Variants in HACD1 observed in about 807,000 individuals in gnomAD.
The protein encoded by HACD1 is 3-hydroxyacyl-CoA dehydratase 1.
Under a neutral mutation model 32.0 loss-of-function variants are expected in HACD1, and 41 were observed. The observed-to-expected ratio is 1.28, with a 90% CI of 1.00 to 1.66. HACD1 has a LOEUF of 1.66. HACD1 is among the 40% of genes most tolerant of loss of function. The probability of loss-of-function intolerance (pLI) is 0.00; values close to 1 mark genes in which losing one functional copy is unlikely to be tolerated. For missense variants in HACD1, 396 were observed against 380.1 expected (o/e 1.04, Z -0.35); for synonymous variants, 142 against 139.0 (o/e 1.02, Z -0.15).
At chr10:17,605,553 A>T (rs1554816978) in intron 1 of HACD1, among the ~76,000 whole-genome samples, 1 of 151,268 alleles carries the variant, frequency 6.6e-6, no homozygotes, top group African/African-American at 2.4e-5. Context: ...GTCATCAATT[A>T]ATATTTACTT....
Position 17,617,111 on chromosome 10 carries a change from T to C in HACD1, c.229A>G (p.Thr77Ala). The change falls in exon 1 of 7, where the codon ACC (threonine) becomes GCC (alanine). Residue 77 changes from threonine to alanine, a missense_variant. Physicochemically the swap from Thr to Ala is moderately conservative, Grantham distance 58. Coordinates refer to ENST00000361271, the MANE Select transcript of HACD1 (RefSeq NM_014241.4). ...RLGVLATAWL[T>A]FYDIAMTAGW... is the part of the protein sequence containing the mutation. ...GCGGTCATGGCGATGTCGTAGAAGG[T>C]GAGCCAGGCGGTGGCCAAGACCCCC... The C allele has an allele frequency of 6.7e-7, 1 of 1,500,896 alleles. No individual in the cohort carries two copies. The highest frequency in any genetic ancestry group is 8.9e-7 in the Non-Finnish European group (1 of 1,128,004). 93.0% of individuals were successfully genotyped at this position (1,500,896 alleles called of 1,614,324 possible). A position where few individuals can be genotyped will look rare whatever the true frequency, so the allele number is the denominator to read the frequency against.
Position 17,594,243 on chromosome 10 carries a change from T to C in HACD1, c.746A>G (p.Tyr249Cys), listed in dbSNP as rs146791312. The C allele has an allele frequency of 2.0e-4, 313 of 1,586,742 alleles. No individual in the cohort carries two copies. In the African/African-American group the frequency reaches 3.9e-3, roughly 20 times the overall value. ...PNKYNVSFDYYYFLLITMASY... is the reference protein window; with the variant it reads ...PNKYNVSFDYCYFLLITMASY... ...TGCCATGGTTATAAGAAGAAAATAA[T>C]AGTAGTCAAAAGAGACATTGTATTT... The change falls in exon 6 of 7, where the codon TAT (tyrosine) becomes TGT (cysteine). Residue 249 changes from tyrosine to cysteine, a missense_variant. Transcript: ENST00000361271.
At chr10:17,594,013 T>C (rs963361108) in intron 6 of HACD1, among the ~76,000 whole-genome samples, 192 bp downstream of exon 6, 1 of 152,230 alleles carries the variant, frequency 6.6e-6, no homozygotes, top group Non-Finnish European at 1.5e-5. Flanking sequence ...TTTATTCTCA[T>C]AGCTAATGAA....
intron 5 of HACD1, among the ~76,000 whole-genome samples, chr10:17,597,944 A>G (rs570069881): frequency 1.6e-4 from 24 of 152,288 alleles, no homozygotes; most frequent in Admixed American, 3.9e-4. Context: ...AAAGAGCTAG[A>G]GAATATTAAA....
intron 1 of HACD1, among the ~76,000 whole-genome samples, chr10:17,616,221 A>G (rs1256795595): frequency 9.2e-6 from 1 of 109,166 alleles, no homozygotes; most frequent in Non-Finnish European, 1.9e-5. Context: ...GTGAGCCGAG[A>G]TCCCGCCACT....
intron 5 of HACD1, among the ~76,000 whole-genome samples, chr10:17,597,166 T>A (rs1341948876): frequency 2.6e-5 from 4 of 152,210 alleles, no homozygotes; most frequent in Non-Finnish European, 5.9e-5. Flanking sequence ...TTTCTTCTTT[T>A]GAGACAGAGT....
intron 1 of HACD1, among the ~76,000 whole-genome samples, chr10:17,614,587 C>T (rs185777100): frequency 4.6e-5 from 7 of 151,850 alleles, no homozygotes; most frequent in African/African-American, 1.4e-4. Context: ...TGGTGGTGTG[C>T]GCCTGTAGTC....
In HACD1 at chr10:17,617,086, G is replaced by A. The variant is rs1833099130; in HGVS notation, c.254C>T (p.Ala85Val). Residue 85 changes from alanine (A) to valine (V), a missense_variant, in exon 1 of 7, where the codon GCG becomes GTG. Transcript: ENST00000361271. ...WLTFYDIAMT[A>V]GWLVLAIAMV... ...GGGTGCCCCGCGGCGCGCGTACCCC[G>A]CGGTCATGGCGATGTCGTAGAAGGT... 1 of 1,485,228 alleles carries A rather than the reference G, an allele frequency of 6.7e-7. No individual in the cohort carries two copies. Among genetic ancestry groups the A allele is most frequent in the Non-Finnish European group, 8.9e-7 (1 of 1,120,892 alleles). 92.0% of individuals were successfully genotyped at this position (1,485,228 alleles called of 1,614,324 possible). A position where few individuals can be genotyped will look rare whatever the true frequency, so the allele number is the denominator to read the frequency against.
In HACD1 at chr10:17,594,295, C is replaced by T. The variant is rs536952738; in HGVS notation, c.694G>A (p.Gly232Arg). ...YAALPHVKKT[G>R]MFSIRLPNKY... is the part of the protein sequence containing the mutation. Reference sequence around the variant, plus strand: ...TTAGGAAGTCTTATTGAAAACATTCCTGTTTTCTTCACATGCGGCAAGGCA... The same window carrying T: ...TTAGGAAGTCTTATTGAAAACATTCTTGTTTTCTTCACATGCGGCAAGGCA... The change falls in exon 6 of 7, where the codon GGA becomes AGA. Residue 232 changes from glycine to arginine, a missense_variant. By Grantham distance (125) the Gly-to-Arg change is moderately radical. Transcript: ENST00000361271. 1.7e-4 allele frequency: 268 copies of T among 1,603,426 alleles called. 3 individuals carry two copies. The South Asian group carries it at 2.9e-3, about 18-fold the overall frequency.
At chr10:17,603,702 T>A (rs782792501) in intron 3 of HACD1, 24 bp downstream of exon 3, 1 of 1,604,808 alleles carries the variant, frequency 6.2e-7, no homozygotes, top group East Asian at 2.2e-5. Flanking sequence ...ATAATAAAAG[T>A]ATAAAATTGA....
chr10:17,616,866 C>A (rs1833093374), intron 1 of HACD1, among the ~76,000 whole-genome samples: 1 of 152,060 alleles, frequency 6.6e-6, no homozygotes, highest in Non-Finnish European at 1.5e-5. Flanking sequence ...GCCAGCGCCC[C>A]GCCGTGCACC....
Position 17,603,558 on chromosome 10 carries a change from A to T in HACD1, c.483+2T>A. The T allele has an allele frequency of 6.2e-7, 1 of 1,600,984 alleles. No individual in the cohort carries two copies. On this transcript the variant is annotated splice_donor_variant, in intron 4 of 6. Coordinates refer to ENST00000361271, the MANE Select transcript of HACD1 (RefSeq NM_014241.4). LOFTEE classifies it high-confidence loss of function. Reference sequence around the variant, plus strand: ...AGTAGACAACATGTTTGTGTCACTTACTGGTTTTATACTGTGAGTAATGAG... The same window carrying T: ...AGTAGACAACATGTTTGTGTCACTTTCTGGTTTTATACTGTGAGTAATGAG...
chr10:17,613,109 T>G (rs896574830), intron 1 of HACD1, among the ~76,000 whole-genome samples: 25 of 125,094 alleles, frequency 2.0e-4, no homozygotes, highest in Non-Finnish European at 3.3e-4. Context: ...TGTGTGTGTG[T>G]GTGTGTGTGT....
rs782410839 is a variant in HACD1 at position 17,594,282 on chromosome 10, A to C, written c.707T>G (p.Ile236Arg). Residue 236 changes from isoleucine (I) to arginine (R), a missense_variant, in exon 6 of 7, where the codon ATA becomes AGA. Ile to Arg is a moderately conservative substitution (Grantham distance 97). Transcript: ENST00000361271. The part of the protein sequence containing the change: ...PHVKKTGMFS[I>R]RLPNKYNVSF... Reference sequence around the variant, plus strand: ...GACATTGTATTTGTTAGGAAGTCTTATTGAAAACATTCCTGTTTTCTTCAC... The same window carrying C: ...GACATTGTATTTGTTAGGAAGTCTTCTTGAAAACATTCCTGTTTTCTTCAC... The C allele has an allele frequency of 6.2e-7, 1 of 1,602,582 alleles. No individual in the cohort carries two copies. The highest frequency in any genetic ancestry group is 1.1e-5 in the South Asian group (1 of 88,982).
intron 1 of HACD1, among the ~76,000 whole-genome samples, chr10:17,609,021 C>G (rs1312216549): frequency 6.6e-6 from 1 of 151,972 alleles, no homozygotes; most frequent in Non-Finnish European, 1.5e-5. Flanking sequence ...AATAAAAAAT[C>G]AAGCCCAAAC....
intron 6 of HACD1, among the ~76,000 whole-genome samples, chr10:17,591,975 G>GTTTTTTTTTTTTTT (rs1564503517): frequency 9.6e-6 from 1 of 103,808 alleles, no homozygotes; most frequent in African/African-American, 4.9e-5. Context: ...ACCAGCTACT[G>GTTTTTTTTTTTTTT]ATTTTTTTTT....
chr10:17,593,320 C>CCT (rs1400156205), intron 6 of HACD1, among the ~76,000 whole-genome samples: 1 of 88,280 alleles, frequency 1.1e-5, no homozygotes, highest in Non-Finnish European at 2.3e-5. Flanking sequence ...AGCCCCCACG[C>CCT]CTTTTTTTTT....
At chr10:17,612,231 G>T (rs139665923) in intron 1 of HACD1, among the ~76,000 whole-genome samples, 1 of 151,620 alleles carries the variant, frequency 6.6e-6, no homozygotes, top group African/African-American at 2.4e-5. Context: ...GCAAAATGTC[G>T]TTAGGCGCAT....
intron 1 of HACD1, chr10:17,615,831 G>T (rs1554817968): frequency 2.3e-6 from 1 of 431,790 alleles, no homozygotes; most frequent in South Asian, 1.6e-5. Flanking sequence ...ATGGGGCGTG[G>T]TGGCCCACGC....
Sources: gnomAD v4.1 joint callset for allele counts (sites outside exome capture counted in the v4.1 genomes callset) on GRCh38, gnomAD v4.1.1 for gene constraint, MANE v1.5 for transcripts, NCBI Gene and HGNC (gene_info 2026-07-23, HGNC 2026-07-21) for gene names.